The following ST3GAL3 variants were observed in gnomAD, a reference collection of about 807,000 sequenced individuals.
ST3GAL3 encodes CMP-N-acetylneuraminate-beta-1,4-galactoside alpha-2,3-sialyltransferase.
Under a neutral mutation model 50.1 loss-of-function variants are expected in ST3GAL3, and 21 were observed. The ratio of observed to expected loss-of-function variants is 0.42; its 90% CI spans 0.30 to 0.60. ST3GAL3 has a LOEUF of 0.60. Among genes scored for constraint, ST3GAL3 ranks in the 20% least tolerant of loss-of-function variants. ST3GAL3 has a pLI of 0.19. For missense variants in ST3GAL3, 353 were observed against 489.4 expected, an observed-to-expected ratio of 0.72 and a Z score of 2.63; for synonymous variants, 183 against 190.0, an observed-to-expected ratio of 0.96 and a Z score of 0.30.
At chr1:43,901,732 G>A (rs2078305787) in intron 9 of ST3GAL3, among the ~76,000 whole-genome samples, 1 of 152,232 alleles carries the variant, frequency 6.6e-6, no homozygotes, top group Non-Finnish European at 1.5e-5. Flanking sequence ...GATGACATCT[G>A]TGTCCGTCCT....
At chr1:43,791,090 A>G (rs2154151843) in intron 2 of ST3GAL3, among the ~76,000 whole-genome samples, 1 of 152,206 alleles carries the variant, frequency 6.6e-6, no homozygotes, top group South Asian at 2.1e-4. Flanking sequence ...TGAATGTCCT[A>G]TTCCATTCTT....
chr1:43,739,277 T>G (rs986170275), intron 2 of ST3GAL3: 2 of 152,150 alleles, frequency 1.3e-5, no homozygotes, highest in African/African-American at 4.8e-5. Context: ...GGCTAGAGTT[T>G]TGTGGTGTGA....
chr1:43,813,770 C>T (rs1255070990), intron 3 of ST3GAL3, among the ~76,000 whole-genome samples: 1 of 152,028 alleles, frequency 6.6e-6, no homozygotes, highest in African/African-American at 2.4e-5. Flanking sequence ...CTTTTCCATC[C>T]AGTATTTTGG....
intron 9 of ST3GAL3, among the ~76,000 whole-genome samples, chr1:43,905,956 A>C (rs1359669437): frequency 0.025 from 198 of 8,036 alleles, no homozygotes; most frequent in Admixed American, 0.045. Context: ...CTCCTCTCCC[A>C]CCACTCTCCC....
intron 5 of ST3GAL3, among the ~76,000 whole-genome samples, chr1:43,857,830 G>A (rs571980032): frequency 6.6e-5 from 10 of 152,162 alleles, no homozygotes. Flanking sequence ...TGGCCAGGCT[G>A]GTCTCGAACT....
At chr1:43,767,769 C>A (rs1480369077) in intron 2 of ST3GAL3, among the ~76,000 whole-genome samples, 1 of 151,066 alleles carries the variant, frequency 6.6e-6, no homozygotes, top group Non-Finnish European at 1.5e-5. Flanking sequence ...CACGTGTTTA[C>A]CCATGTAACA....
At chr1:43,741,171 T>TA (rs967112802) in intron 2 of ST3GAL3, among the ~76,000 whole-genome samples, 7 of 151,022 alleles carry the variant, frequency 4.6e-5, no homozygotes, top group East Asian at 2.0e-4. Flanking sequence ...CACAGAAAAA[T>TA]AAAAAAAATT....
At chr1:43,882,469 G>A (rs1045239679) in intron 5 of ST3GAL3, among the ~76,000 whole-genome samples, 2 of 152,078 alleles carry the variant, frequency 1.3e-5, no homozygotes, top group Non-Finnish European at 2.9e-5. Context: ...ATGAATTCAA[G>A]CAAAAAGGAA....
At chr1:43,723,244 G>A (rs184711606) in intron 1 of ST3GAL3, among the ~76,000 whole-genome samples, 1 of 152,052 alleles carries the variant, frequency 6.6e-6, no homozygotes, top group Non-Finnish European at 1.5e-5. Context: ...GAGTAGCTGG[G>A]ATTACAGGCA....
At position 43,729,094 on chromosome 1, in the gene ST3GAL3, T is replaced by C. The variant is rs549337436; in HGVS notation, c.-30-7139T>C. 1.4e-4 allele frequency among the ~76,000 whole-genome samples: 20 copies of C among 148,112 alleles called. No homozygotes were observed. The East Asian group carries it at 1.6e-3, about 12-fold the overall frequency. On this transcript the variant is annotated intron_variant, in intron 1 of 11. Transcript: ENST00000347631. ...TTGTAGAGACAATTATTTTTCTTTTTTTTTTTTTTTTTTGAGACAGATTCT... is the reference window on the plus strand; with the variant it reads ...TTGTAGAGACAATTATTTTTCTTTTCTTTTTTTTTTTTTGAGACAGATTCT...
intron 4 of ST3GAL3, chr1:43,831,527 G>A (rs1016464193): frequency 1.9e-4 from 29 of 152,354 alleles, no homozygotes; most frequent in African/African-American, 6.7e-4. Flanking sequence ...ATTGTCAAAT[G>A]TATCATTGCT....
At chr1:43,770,288 GT>G (rs1694646722) in intron 2 of ST3GAL3, among the ~76,000 whole-genome samples, 1 of 150,274 alleles carries the variant, frequency 6.7e-6, no homozygotes. Flanking sequence ...AGGGGAATGA[GT>G]AGGGGAAGGA....
intron 2 of ST3GAL3, among the ~76,000 whole-genome samples, chr1:43,744,891 T>C (rs958681794): frequency 5.3e-5 from 8 of 151,670 alleles, no homozygotes; most frequent in African/African-American, 1.9e-4. Flanking sequence ...CTTGGGAGGC[T>C]GAGGCCTGAG....
At chr1:43,796,497 C>T (rs1161761264) in intron 3 of ST3GAL3, among the ~76,000 whole-genome samples, 1 of 152,220 alleles carries the variant, frequency 6.6e-6, no homozygotes, top group Non-Finnish European at 1.5e-5. Flanking sequence ...GCCCAAGTCC[C>T]AGACTGGATG....
chr1:43,846,940 C>A (rs1440749752), intron 5 of ST3GAL3, among the ~76,000 whole-genome samples: 1 of 152,112 alleles, frequency 6.6e-6, no homozygotes, highest in African/African-American at 2.4e-5. Context: ...TAGAGAACTT[C>A]TAATACTCAA....
intron 4 of ST3GAL3, among the ~76,000 whole-genome samples, chr1:43,828,667 A>G (rs917348406): frequency 2.6e-5 from 4 of 152,230 alleles, no homozygotes; most frequent in African/African-American, 9.6e-5. Context: ...TTTGCATTAT[A>G]TGTCATTAAG....
At chr1:43,795,023 G>A (rs1004178985) in intron 3 of ST3GAL3, among the ~76,000 whole-genome samples, 7 of 152,184 alleles carry the variant, frequency 4.6e-5, no homozygotes, top group Non-Finnish European at 7.3e-5. Context: ...TATTTTTAGT[G>A]ACCTGAAGGG....
At chr1:43,843,057 C>T (rs980560990) in intron 5 of ST3GAL3, among the ~76,000 whole-genome samples, 6 of 152,156 alleles carry the variant, frequency 3.9e-5, no homozygotes, top group African/African-American at 9.7e-5. Context: ...CTTCCTTTTT[C>T]ATCTATATGT....
rs1303607665 is a variant in ST3GAL3, at chr1:43,851,202, A to T, written c.302+12891A>T. ...TCCTCCAGCTGGTCATAGTTGATGT[A>T]GCCAGTGTCTGGGTTCACCTTATAG... On this transcript the variant is annotated intron_variant, in intron 5 of 11. Coordinates refer to ENST00000347631, the MANE Select transcript of ST3GAL3 (RefSeq NM_006279.5). The T allele has an allele frequency of 4.8e-6, 7 of 1,465,206 alleles. No homozygotes were observed. In the South Asian group the frequency reaches 6.8e-5, roughly 14 times the overall value. The allele number at this position is 1,465,206 out of a possible 1,614,324, so 90.8% of individuals were successfully genotyped here. A position where few individuals can be genotyped will look rare whatever the true frequency, so the allele number is the denominator to read the frequency against.
Sources: gnomAD v4.1 joint callset for allele counts (sites outside exome capture counted in the v4.1 genomes callset) on GRCh38, gnomAD v4.1.1 for gene constraint, MANE v1.5 for transcripts, NCBI Gene and HGNC (gene_info 2026-07-23, HGNC 2026-07-21) for gene names.